BACH2: variants seen among roughly 807,000 people sequenced by gnomAD.
BACH2 encodes the protein transcription regulator protein BACH2.
A neutral mutation model predicts 61.8 loss-of-function variants in BACH2; 5 were observed. That is an observed-to-expected ratio of 0.08 (90% confidence interval 0.04 to 0.17). The LOEUF (loss-of-function observed/expected upper bound fraction) is 0.17. Ranked by LOEUF, BACH2 falls within the 10% of genes least tolerant of loss-of-function variation. BACH2 has a pLI of 1.00. For missense variants in BACH2, 824 were observed against 1,091.1 expected (o/e 0.76, Z 3.45); for synonymous variants, 446 against 440.1 (o/e 1.01, Z -0.17).
chr6:90,136,974 T>G (rs1054761282), intron 4 of BACH2, among the ~76,000 whole-genome samples: 7 of 152,020 alleles, frequency 4.6e-5, no homozygotes, highest in Non-Finnish European at 8.8e-5. Flanking sequence ...AAAAGGAACT[T>G]GTAGAGTCAC....
At chr6:90,156,495 C>T (rs185261933) in intron 4 of BACH2, among the ~76,000 whole-genome samples, 31 of 152,230 alleles carry the variant, frequency 2.0e-4, no homozygotes, top group Admixed American at 5.2e-4. Flanking sequence ...CTTAGCTGCC[C>T]CACTCTCATG....
At chr6:90,118,204 A>T (rs188532293) in intron 4 of BACH2, among the ~76,000 whole-genome samples, 31 of 152,314 alleles carry the variant, frequency 2.0e-4, no homozygotes, top group African/African-American at 7.5e-4. Flanking sequence ...CTAACCAAGA[A>T]ATCTGAAGGG....
At chr6:89,967,239 A>G (rs965787107) in intron 6 of BACH2, among the ~76,000 whole-genome samples, 1 of 152,196 alleles carries the variant, frequency 6.6e-6, no homozygotes, top group African/African-American at 2.4e-5. Context: ...CTCATTATTT[A>G]TAGCTCGTAA....
intron 5 of BACH2, among the ~76,000 whole-genome samples, chr6:90,028,021 T>C (rs1450739089): frequency 1.3e-5 from 2 of 152,212 alleles, no homozygotes; most frequent in East Asian, 1.9e-4. Flanking sequence ...CCAATTTGCT[T>C]AATTTCCATC....
In BACH2 at chr6:89,938,161, A is replaced by T. The variant is rs1286743387; in HGVS notation, c.2026T>A (p.Cys676Ser). 6.2e-7 allele frequency: 1 copy of T among 1,612,856 alleles called. No homozygotes were observed. The highest frequency in any genetic ancestry group is 8.5e-7 in the Non-Finnish European group (1 of 1,178,972). The change falls in exon 8 of 9, where the codon TGT becomes AGT. Residue 676 changes from cysteine to serine, a missense_variant. Coordinates refer to ENST00000257749, the MANE Select transcript of BACH2 (RefSeq NM_021813.4). ...CAACTCACCAATTTGCGGATTTCAC[A>T]TTCTAAATTCTGAATACAGTCCAGT... ...RKLDCIQNLE[C>S]EIRKLVCEKE...
chr6:90,068,678 T>G (rs932381631), intron 5 of BACH2, among the ~76,000 whole-genome samples: 8 of 151,958 alleles, frequency 5.3e-5, no homozygotes, highest in African/African-American at 1.9e-4. Flanking sequence ...GAAATTCAGT[T>G]TTCTGACCTA....
At chr6:89,981,362 C>T (rs533030209) in intron 6 of BACH2, among the ~76,000 whole-genome samples, 6 of 151,990 alleles carry the variant, frequency 3.9e-5, no homozygotes, top group African/African-American at 1.2e-4. Flanking sequence ...AGGATGGTAT[C>T]GATCTCCTGA....
At chr6:90,275,774 G>A (rs910964028) in intron 1 of BACH2, among the ~76,000 whole-genome samples, 1 of 152,096 alleles carries the variant, frequency 6.6e-6, no homozygotes, top group Non-Finnish European at 1.5e-5. Flanking sequence ...TCAGAAGTTC[G>A]AGACCAGCCT....
intron 4 of BACH2, among the ~76,000 whole-genome samples, chr6:90,110,948 T>C (rs974861023): frequency 1.3e-5 from 2 of 152,190 alleles, no homozygotes; most frequent in South Asian, 2.1e-4. Flanking sequence ...AAAACAGTAA[T>C]TGTTACTGCT....
intron 4 of BACH2, among the ~76,000 whole-genome samples, chr6:90,114,039 C>T (rs1222101957): frequency 6.6e-6 from 1 of 151,990 alleles, no homozygotes; most frequent in East Asian, 1.9e-4. Context: ...AGCTTAGCAA[C>T]CGAAAAAGCG....
At chr6:90,103,082 A>C (rs979760193) in intron 4 of BACH2, among the ~76,000 whole-genome samples, 1 of 133,246 alleles carries the variant, frequency 7.5e-6, no homozygotes, top group Non-Finnish European at 1.6e-5. Context: ...AGGTTCAAAA[A>C]CTGATTTCTA....
intron 3 of BACH2, among the ~76,000 whole-genome samples, chr6:90,235,602 C>G (rs980679340): frequency 6.6e-6 from 1 of 152,172 alleles, no homozygotes; most frequent in Non-Finnish European, 1.5e-5. Flanking sequence ...CAAAGAGGAT[C>G]CTTTCAGCCA....
intron 5 of BACH2, among the ~76,000 whole-genome samples, chr6:90,029,807 G>A (rs369585245): frequency 2.0e-4 from 30 of 152,218 alleles, no homozygotes; most frequent in South Asian, 1.0e-3. Flanking sequence ...CCTCAAGGTC[G>A]CCTTGCCTAT....
intron 3 of BACH2, among the ~76,000 whole-genome samples, chr6:90,227,927 C>T (rs1321862904): frequency 6.6e-6 from 1 of 152,196 alleles, no homozygotes; most frequent in Non-Finnish European, 1.5e-5. Context: ...TTCATACCAG[C>T]CTAGCTAGCT....
intron 5 of BACH2, among the ~76,000 whole-genome samples, chr6:90,030,497 C>T (rs546231589): frequency 7.2e-5 from 11 of 152,072 alleles, no homozygotes; most frequent in South Asian, 2.1e-4. Context: ...ATCAAATAGA[C>T]GCAATAAAAA....
chr6:90,105,219 C>T (rs575043188), intron 4 of BACH2, among the ~76,000 whole-genome samples: 1 of 152,306 alleles, frequency 6.6e-6, no homozygotes, highest in Non-Finnish European at 1.5e-5. Flanking sequence ...GAGGTGGCTG[C>T]AAGGCATTTC....
rs553341377 is a variant in BACH2 at position 90,089,006 on chromosome 6, A to T, written c.-58T>A. 1 of 152,342 alleles carries T rather than the reference A, an allele frequency of 6.6e-6. No homozygotes were observed. The highest frequency in any genetic ancestry group is 1.5e-5 in the Non-Finnish European group (1 of 68,048). 9.4% of individuals were successfully genotyped at this position (152,342 alleles called of 1,614,324 possible). A position where few individuals can be genotyped will look rare whatever the true frequency, so the allele number is the denominator to read the frequency against. ...GTGCTGCCTTCGAGTCTTAGGATGC[A>T]GGGAACTGGGCGAAGGGAGAGATGA... On this transcript the variant is annotated 5_prime_UTR_variant, in exon 5 of 9. Transcript: ENST00000257749.
intron 3 of BACH2, among the ~76,000 whole-genome samples, chr6:90,241,002 C>T (rs1035137826): frequency 4.6e-5 from 7 of 151,540 alleles, no homozygotes; most frequent in African/African-American, 7.3e-5. Flanking sequence ...GGCGTGGTGG[C>T]GTGCGCCTGT....
Position 89,926,772 on chromosome 6 carries a change from G to A in BACH2, c.*5636C>T, listed in dbSNP as rs1772381824. On this transcript the variant is annotated 3_prime_UTR_variant, in exon 9 of 9. Transcript: ENST00000257749. The stretch of plus-strand genomic sequence containing the variant: ...TTTCATTTTTTACAATAAAAACCAC[G>A]AGAAAAACCACAATCACTTAGAAAA... The A allele has an allele frequency of 1.3e-5, 2 of 152,382 alleles. No homozygotes were observed. Among genetic ancestry groups the A allele is most frequent in the South Asian group, 2.1e-4 (1 of 4,814 alleles). The allele number at this position is 152,382 out of a possible 1,614,324, so 9.4% of individuals were successfully genotyped here.
Sources: allele counts gnomAD v4.1 joint callset (sites outside exome capture counted in the v4.1 genomes callset), GRCh38; gene constraint gnomAD v4.1.1; transcripts MANE v1.5; gene names NCBI Gene and HGNC (gene_info 2026-07-23, HGNC 2026-07-21).